NYAP2: variants seen among roughly 807,000 people sequenced by gnomAD.
NYAP2 encodes the protein neuronal tyrosine-phosphorylated phosphoinositide-3-kinase adaptor 2, also known as neuronal tyrosine-phosphorylated phosphoinositide-3-kinase adapter 2.
A neutral mutation model predicts 50.4 loss-of-function variants in NYAP2; 23 were observed. That is an observed-to-expected ratio of 0.46 (90% CI 0.33 to 0.65). The LOEUF (loss-of-function observed/expected upper bound fraction) is 0.65, where lower values mean the gene tolerates loss of function less well. Ranked by LOEUF, NYAP2 falls within the 30% of genes least tolerant of loss-of-function variation. NYAP2 has a pLI of 0.02. For missense variants in NYAP2, 885 were observed against 861.0 expected (o/e 1.03, Z -0.35); for synonymous variants, 394 against 365.2 (o/e 1.08, Z -0.90).
At chr2:225,670,756 T>C in the NYAP2 span, among the ~76,000 whole-genome samples, 2 of 152,146 alleles carry the variant, frequency 1.3e-5, no homozygotes, top group East Asian at 3.8e-4. Context: ...TTGGATTGTT[T>C]ACAGGCATAC....
chr2:225,682,316 C>A, the NYAP2 span, among the ~76,000 whole-genome samples: 3 of 152,124 alleles, frequency 2.0e-5, no homozygotes, highest in Non-Finnish European at 4.4e-5. Flanking sequence ...GTAGCCAATG[C>A]ATTTAGAATT....
chr2:225,703,476 TG>T, the NYAP2 span: 1 of 151,770 alleles, frequency 6.6e-6, no homozygotes, highest in Non-Finnish European at 1.5e-5. Flanking sequence ...TCTTAATTTT[TG>T]TACTTGATTT....
intron 3 of NYAP2, among the ~76,000 whole-genome samples, chr2:225,496,546 G>A (rs761142231): frequency 7.9e-5 from 12 of 151,968 alleles, no homozygotes; most frequent in Non-Finnish European, 1.5e-4. Context: ...GAAACAGATG[G>A]CCACAAATGA....
intron 3 of NYAP2, among the ~76,000 whole-genome samples, chr2:225,483,585 C>A (rs2106166571): frequency 1.4e-5 from 2 of 148,080 alleles, no homozygotes; most frequent in South Asian, 4.2e-4. Flanking sequence ...CGTGTGTGCA[C>A]ACACACACAC....
chr2:225,629,914 C>T (rs201442693), intron 6 of NYAP2, among the ~76,000 whole-genome samples: 1 of 152,118 alleles, frequency 6.6e-6, no homozygotes. Flanking sequence ...TTCGTGAGAA[C>T]AAGCCATATC....
At chr2:225,642,618 T>C (rs1215796066) in intron 6 of NYAP2, among the ~76,000 whole-genome samples, 1 of 152,140 alleles carries the variant, frequency 6.6e-6, no homozygotes, top group Admixed American at 6.5e-5. Context: ...TTTGGTCACA[T>C]GTCCATCCCT....
chr2:225,532,644 A>G (rs1417711208), intron 4 of NYAP2, among the ~76,000 whole-genome samples: 1 of 151,792 alleles, frequency 6.6e-6, no homozygotes, highest in Non-Finnish European at 1.5e-5. Flanking sequence ...TGTGAATTTT[A>G]GTTTATTTCT....
intron 4 of NYAP2, among the ~76,000 whole-genome samples, chr2:225,545,979 T>C (rs929104993): frequency 1.6e-4 from 24 of 152,202 alleles, no homozygotes; most frequent in African/African-American, 5.8e-4. Context: ...AGATCTGGAA[T>C]AATTCTGTAG....
exon 7 of NYAP2, chr2:225,651,627 C>G (rs539558434): frequency 1.3e-6 from 2 of 1,589,252 alleles, no homozygotes; most frequent in South Asian, 2.3e-5. Flanking sequence ...CTGTAGACAA[C>G]TTTCGCATTT....
intron 6 of NYAP2, among the ~76,000 whole-genome samples, chr2:225,651,070 C>G (rs1461145976): frequency 6.6e-6 from 1 of 152,174 alleles, no homozygotes; most frequent in Non-Finnish European, 1.5e-5. Flanking sequence ...ACACAGAAAT[C>G]CTACGGATCA....
chr2:225,650,292 A>G (rs1009505568), intron 6 of NYAP2, among the ~76,000 whole-genome samples: 4 of 152,200 alleles, frequency 2.6e-5, no homozygotes, highest in Non-Finnish European at 5.9e-5. Flanking sequence ...GCATGAGGAT[A>G]GTGCACCTCC....
upstream of NYAP2, among the ~76,000 whole-genome samples, chr2:225,398,611 A>G (rs2106112730): frequency 7.7e-6 from 1 of 129,814 alleles, no homozygotes; most frequent in South Asian, 2.4e-4. Context: ...AAGTATTTAG[A>G]ACCTTCATAA....
At chr2:225,588,864 TTGATAGCTTATTATTCTGC>T (rs1172029246) in intron 5 of NYAP2, among the ~76,000 whole-genome samples, 1 of 152,216 alleles carries the variant, frequency 6.6e-6, no homozygotes, top group African/African-American at 2.4e-5. Context: ...TGACACAGTA[TTGATAGCTTATTATTCTGC>T]TGAGATGTCT....
At chr2:225,505,297 A>G (rs1022921581) in intron 3 of NYAP2, among the ~76,000 whole-genome samples, 1 of 152,234 alleles carries the variant, frequency 6.6e-6, no homozygotes, top group Non-Finnish European at 1.5e-5. Context: ...GAAAATAGAT[A>G]TCATTGAGGA....
At chr2:225,665,529 C>T in the NYAP2 span, among the ~76,000 whole-genome samples, 4 of 150,838 alleles carry the variant, frequency 2.7e-5, no homozygotes, top group South Asian at 8.4e-4. Context: ...TGAAGATTTG[C>T]TAAATCTGCC....
intron 2 of NYAP2, among the ~76,000 whole-genome samples, chr2:225,403,004 C>T (rs1694888912): frequency 6.6e-6 from 1 of 151,896 alleles, no homozygotes; most frequent in Non-Finnish European, 1.5e-5. Flanking sequence ...TATCAGAAGC[C>T]TGATTATTTA....
chr2:225,683,855 T>A, the NYAP2 span, among the ~76,000 whole-genome samples: 1 of 152,162 alleles, frequency 6.6e-6, no homozygotes, highest in South Asian at 2.1e-4. Flanking sequence ...TGATTTTGGG[T>A]TTCTCATAAG....
intron 3 of NYAP2, among the ~76,000 whole-genome samples, chr2:225,478,794 A>G (rs1325495215): frequency 6.6e-6 from 1 of 152,226 alleles, no homozygotes; most frequent in Non-Finnish European, 1.5e-5. Flanking sequence ...AGCAGGCATT[A>G]CATCCTGATA....
chr2:225,617,317 T>C (rs1693006048), intron 5 of NYAP2, among the ~76,000 whole-genome samples: 1 of 151,972 alleles, frequency 6.6e-6, no homozygotes, highest in South Asian at 2.1e-4. Flanking sequence ...TAATCCTAGC[T>C]ACTAGGGAGG....
Sources: gnomAD v4.1 joint callset for allele counts (sites outside exome capture counted in the v4.1 genomes callset) on GRCh38, gnomAD v4.1.1 for gene constraint, MANE v1.5 for transcripts, NCBI Gene and HGNC (gene_info 2026-07-23, HGNC 2026-07-21) for gene names.